Variants in KMT2E observed in about 807,000 individuals in gnomAD.
KMT2E encodes histone reader KMT2E.
KMT2E carries 30 observed loss-of-function variants against 184.6 expected under a neutral mutation model. That is an observed-to-expected ratio of 0.16 (90% CI 0.12 to 0.22). The LOEUF is 0.22. Ranked by LOEUF, KMT2E falls within the 10% of genes least tolerant of loss-of-function variation. The probability of loss-of-function intolerance (pLI) is 1.00; values close to 1 mark genes in which losing one functional copy is unlikely to be tolerated. For missense variants in KMT2E, 2,023 were observed against 2,237.4 expected (o/e 0.90, Z 1.93); for synonymous variants, 815 against 776.5 (o/e 1.05, Z -0.82).
intron 1 of KMT2E, among the ~76,000 whole-genome samples, chr7:105,032,775 A>G (rs969079225): frequency 1.3e-5 from 2 of 152,222 alleles, no homozygotes; most frequent in Non-Finnish European, 2.9e-5. Flanking sequence ...AAAATGTGGG[A>G]TAACAGTTGT....
chr7:105,062,252 C>T lies in KMT2E; in HGVS notation c.160C>T (p.His54Tyr). ...QLYTSSSHHS[H>Y]SYIGLPYADH... ...ATATACCAGCAGCTCACATCATTCA[C>T]ACAGTTACATTGGTTTGCCCTATGC... is the stretch of plus-strand genomic sequence containing the variant. The change falls in exon 4 of 27, where the codon CAC becomes TAC. Residue 54 changes from histidine to tyrosine, a missense_variant. By Grantham distance (83) the His-to-Tyr change is moderately conservative. Transcript: ENST00000311117. 1 of 1,613,022 alleles carries T rather than the reference C, an allele frequency of 6.2e-7. No individual in the cohort carries two copies. Among genetic ancestry groups the T allele is most frequent in the Non-Finnish European group, 8.5e-7 (1 of 1,179,206 alleles).
chr7:105,108,735 T>C, intron 22 of KMT2E: 1 of 545,378 alleles, frequency 1.8e-6, no homozygotes, highest in Non-Finnish European at 3.3e-6. Context: ...GTTGTGAGGA[T>C]AAATGAGATA....
intron 3 of KMT2E, among the ~76,000 whole-genome samples, chr7:105,054,454 GTCTGTCTA>G (rs746299191): frequency 0.054 from 5,866 of 109,172 alleles, 209 homozygotes; most frequent in African/African-American, 0.1. Context: ...TGCTCTGTCT[GTCTGTCTA>G]TCTATCTATC....
intron 6 of KMT2E, among the ~76,000 whole-genome samples, chr7:105,071,160 TTGAC>T (rs754355420): frequency 1.3e-5 from 2 of 152,192 alleles, no homozygotes; most frequent in Non-Finnish European, 2.9e-5. Flanking sequence ...TATGTAGACA[TTGAC>T]TGATAGAGCT....
At chr7:105,085,526 C>T (rs1339508349) in intron 13 of KMT2E, among the ~76,000 whole-genome samples, 1 of 150,812 alleles carries the variant, frequency 6.6e-6, no homozygotes, top group East Asian at 1.9e-4. Flanking sequence ...CCAGCCTGGG[C>T]AACAATAGCA....
At chr7:105,062,050 A>C (rs1796833320) in intron 3 of KMT2E, 114 bp from the exon 4 acceptor site, 6 of 702,542 alleles carry the variant, frequency 8.5e-6, no homozygotes, top group Non-Finnish European at 1.5e-5. Flanking sequence ...CTGTAAGTAG[A>C]TACTGTATTT....
intron 1 of KMT2E, among the ~76,000 whole-genome samples, chr7:105,023,973 A>G (rs1795067269): frequency 1.3e-5 from 2 of 152,156 alleles, no homozygotes; most frequent in South Asian, 4.1e-4. Flanking sequence ...TAAGAAGGAC[A>G]AGTAAAGGAA....
intron 1 of KMT2E, among the ~76,000 whole-genome samples, chr7:105,032,398 C>T (rs958654914): frequency 2.0e-5 from 3 of 151,998 alleles, no homozygotes; most frequent in Non-Finnish European, 2.9e-5. Flanking sequence ...GAGCAGAGAT[C>T]GCACCACTGT....
chr7:105,068,390 A>G (rs964285668), intron 6 of KMT2E, among the ~76,000 whole-genome samples: 2 of 152,082 alleles, frequency 1.3e-5, no homozygotes, highest in African/African-American at 4.8e-5. Context: ...AGGGGTTGCA[A>G]ATTAGTGATA....
intron 15 of KMT2E, among the ~76,000 whole-genome samples, chr7:105,096,267 AAAAAG>A (rs1798408830): frequency 6.6e-6 from 1 of 151,622 alleles, no homozygotes. Flanking sequence ...AAAAAAAAAA[AAAAAG>A]ACACTTCCTC....
At chr7:105,107,284 A>G in intron 21 of KMT2E, 62 bp downstream of exon 21, 1 of 1,507,120 alleles carries the variant, frequency 6.6e-7, no homozygotes, top group African/African-American at 1.4e-5. Flanking sequence ...TGTTTTCCTT[A>G]AATTACTGGT....
chr7:105,068,089 C>T (rs1421409736), intron 6 of KMT2E, among the ~76,000 whole-genome samples: 7 of 152,286 alleles, frequency 4.6e-5, no homozygotes, highest in Non-Finnish European at 1.0e-4. Context: ...AAACCTACTC[C>T]TCCCTCCCTA....
intron 3 of KMT2E, among the ~76,000 whole-genome samples, chr7:105,061,109 C>T (rs1796797219): frequency 6.6e-6 from 1 of 152,118 alleles, no homozygotes; most frequent in Non-Finnish European, 1.5e-5. Context: ...GCACACAGCG[C>T]TTACAACAGC....
At chr7:105,014,635 G>A (rs1484955022) in intron 1 of KMT2E, 100 bp downstream of exon 1, 1 of 152,162 alleles carries the variant, frequency 6.6e-6, no homozygotes, top group African/African-American at 2.4e-5. Flanking sequence ...TCCTTAAGCT[G>A]GGGGAGCCGA....
chr7:105,066,707 TCTG>T lies in KMT2E; in HGVS notation c.417-17_417-15del, dbSNP rs1797041204. ...ATGACTTAAATAATATTACATATGT[TCTG>T]CTTTTTTTTTTTTAAGCGTTTGGCA... On this transcript the variant is annotated splice_polypyrimidine_tract_variant and intron_variant, in intron 5 of 26. Transcript: ENST00000311117. 2 of 1,576,980 alleles carry T rather than the reference TCTG, an allele frequency of 1.3e-6. No homozygotes were observed. The highest frequency in any genetic ancestry group is 1.7e-6 in the Non-Finnish European group (2 of 1,149,742).
At chr7:105,067,066 T>TTAA (rs1554391132) in intron 6 of KMT2E, among the ~76,000 whole-genome samples, 1 of 115,470 alleles carries the variant, frequency 8.7e-6, no homozygotes, top group African/African-American at 3.4e-5. Flanking sequence ...CTTTTTTTTT[T>TTAA]AAAAAAAAAA....
Position 105,022,026 on chromosome 7 carries a change from A to AT in KMT2E, c.-189+7496dup, listed in dbSNP as rs563910052. Among the ~76,000 whole-genome samples the AT allele has an allele frequency of 6.6e-5, 10 of 152,138 alleles. No individual in the cohort carries two copies. In the East Asian group the frequency reaches 1.7e-3, roughly 26 times the overall value. On this transcript the variant is annotated intron_variant, in intron 1 of 26. Transcript: ENST00000311117. ...TATTCTCTTTATATATACACCTGGT[A>AT]TTTTTCCTGAACCATTTGAGAGTGG... is the stretch of plus-strand genomic sequence containing the variant.
At chr7:105,094,338 AC>A (rs961309018) in intron 15 of KMT2E, among the ~76,000 whole-genome samples, 3 of 152,236 alleles carry the variant, frequency 2.0e-5, no homozygotes, top group Admixed American at 1.3e-4. Context: ...TGAGAAACTT[AC>A]GTCAAACTGA....
intron 3 of KMT2E, among the ~76,000 whole-genome samples, chr7:105,053,162 C>A (rs941463119): frequency 6.6e-6 from 1 of 151,890 alleles, no homozygotes; most frequent in East Asian, 1.9e-4. Context: ...TTGGTTAATA[C>A]CTGTTTTGGG....
Sources: gnomAD v4.1 joint callset for allele counts (sites outside exome capture counted in the v4.1 genomes callset) on GRCh38, gnomAD v4.1.1 for gene constraint, MANE v1.5 for transcripts, NCBI Gene and HGNC (gene_info 2026-07-23, HGNC 2026-07-21) for gene names.